TMEM182: variants seen among roughly 807,000 people sequenced by gnomAD.
TMEM182 encodes transmembrane protein 182.
A neutral mutation model predicts 26.8 loss-of-function variants in TMEM182; 20 were observed. The observed-to-expected ratio is 0.75, with a 90% CI of 0.53 to 1.09. The LOEUF is 1.09. Ranked by LOEUF, TMEM182 falls within the 50% of genes least tolerant of loss-of-function variation. TMEM182 has a pLI of 0.00. For missense variants in TMEM182, 277 were observed against 275.5 expected, an observed-to-expected ratio of 1.01 and a Z score of -0.04; for synonymous variants, 109 against 102.2, an observed-to-expected ratio of 1.07 and a Z score of -0.40.
In TMEM182 at chr2:102,817,591, A is replaced by C; in HGVS notation, c.*2623A>C. ...AAGTAATATCAAGTGTGTTGTTAGTATTCATTTAGTCATTTTTATTACTAA... is the reference window on the plus strand; with the variant it reads ...AAGTAATATCAAGTGTGTTGTTAGTCTTCATTTAGTCATTTTTATTACTAA... On this transcript the variant is annotated 3_prime_UTR_variant, in exon 5 of 5. Coordinates refer to ENST00000412401, the MANE Select transcript of TMEM182 (RefSeq NM_144632.5). The C allele has an allele frequency of 3.0e-6, 3 of 984,956 alleles. No homozygotes were observed. Among genetic ancestry groups the C allele is most frequent in the Non-Finnish European group, 3.6e-6 (3 of 829,502 alleles). The allele number at this position is 984,956 out of a possible 1,614,324, so 61.0% of individuals were successfully genotyped here.
chr2:102,781,495 A>G (rs560964036), intron 3 of TMEM182, among the ~76,000 whole-genome samples: 26 of 152,262 alleles, frequency 1.7e-4, no homozygotes, highest in African/African-American at 6.3e-4. Flanking sequence ...GGAGGTTATA[A>G]AGCTGTGGGA....
intron 4 of TMEM182, among the ~76,000 whole-genome samples, chr2:102,807,886 T>C (rs544455410): frequency 3.3e-5 from 5 of 152,334 alleles, no homozygotes; most frequent in South Asian, 4.1e-4. Context: ...TTAGTGTTTA[T>C]ATTTAATATA....
At chr2:102,771,987 G>A (rs188819980) in intron 3 of TMEM182, among the ~76,000 whole-genome samples, 200 of 152,242 alleles carry the variant, frequency 1.3e-3, no homozygotes, top group African/African-American at 4.6e-3. Context: ...TAGACATTTA[G>A]TCCCAAAACT....
chr2:102,771,403 G>C (rs73944419), intron 3 of TMEM182, among the ~76,000 whole-genome samples: 2,012 of 152,218 alleles, frequency 0.013, 39 homozygotes, highest in African/African-American at 0.045. Flanking sequence ...TCCCAGAGTG[G>C]CTCACTGGGC....
chr2:102,830,608 C>G (rs1168542439), intron 3 of TMEM182, among the ~76,000 whole-genome samples: 1 of 151,980 alleles, frequency 6.6e-6, no homozygotes, highest in Non-Finnish European at 1.5e-5. Context: ...ATGAGATGTT[C>G]TGATACTGGC....
At chr2:102,787,245 A>AAGAC (rs1414462053) in intron 3 of TMEM182, among the ~76,000 whole-genome samples, 4 of 152,206 alleles carry the variant, frequency 2.6e-5, no homozygotes, top group Non-Finnish European at 5.9e-5. Flanking sequence ...CGGCTTAAAC[A>AAGAC]AGACATTTAT....
upstream of TMEM182, among the ~76,000 whole-genome samples, chr2:102,759,908 G>A (rs1002148904): frequency 1.2e-4 from 19 of 152,244 alleles, no homozygotes; most frequent in South Asian, 4.1e-4. Flanking sequence ...TGGCCACTCC[G>A]CTAGGACAGG....
intron 3 of TMEM182, among the ~76,000 whole-genome samples, chr2:102,771,727 A>G (rs1039660048): frequency 8.5e-5 from 13 of 152,052 alleles, no homozygotes; most frequent in Admixed American, 2.6e-4. Context: ...AGAAGCAGAA[A>G]TCTCCTCTCA....
chr2:102,816,427 A>G lies in TMEM182; in HGVS notation c.*1459A>G, dbSNP rs1682752586. Reference sequence around the variant, plus strand: ...TTCTCTGTACATCTTGTGCTTTTCCATTAAGACTTGTTCCAGTGGGAAGGA... The same window carrying G: ...TTCTCTGTACATCTTGTGCTTTTCCGTTAAGACTTGTTCCAGTGGGAAGGA... On this transcript the variant is annotated 3_prime_UTR_variant, in exon 5 of 5. Coordinates refer to ENST00000412401, the MANE Select transcript of TMEM182 (RefSeq NM_144632.5). 1 of 985,108 alleles carries G rather than the reference A, an allele frequency of 1.0e-6. No individual in the cohort carries two copies. The highest frequency in any genetic ancestry group is 1.2e-6 in the Non-Finnish European group (1 of 829,890). 61.0% of individuals were successfully genotyped at this position (985,108 alleles called of 1,614,324 possible).
At chr2:102,753,519 TCTA>T (rs1679939974) in intron 1 of TMEM182, among the ~76,000 whole-genome samples, 1 of 147,324 alleles carries the variant, frequency 6.8e-6, no homozygotes, top group Admixed American at 6.9e-5. Flanking sequence ...AAGTCGTTGT[TCTA>T]CTATATGTAT....
At chr2:102,799,554 A>T (rs766658595) in intron 4 of TMEM182, among the ~76,000 whole-genome samples, 7 of 152,224 alleles carry the variant, frequency 4.6e-5, no homozygotes, top group Non-Finnish European at 4.4e-5. Context: ...TCAACAAAGG[A>T]TGGGCAGCTG....
In TMEM182 at chr2:102,762,040, G is replaced by A. The variant is rs118026982; in HGVS notation, c.-178G>A. ...CGAGCAAAGGGAATATGAATCTGCC[G>A]GTGGGGCGTGAGCGAGAAGCCACCA... On this transcript the variant is annotated 5_prime_UTR_variant, in exon 1 of 5. Coordinates refer to ENST00000412401, the MANE Select transcript of TMEM182 (RefSeq NM_144632.5). 1,127 of 526,656 alleles carry A rather than the reference G, an allele frequency of 2.1e-3. 18 individuals are homozygous for A. In the East Asian group the frequency reaches 0.035, roughly 16 times the overall value. 32.6% of individuals were successfully genotyped at this position (526,656 alleles called of 1,614,324 possible).
chr2:102,740,152 G>A (rs1444842714), intron 1 of TMEM182, among the ~76,000 whole-genome samples: 1 of 152,190 alleles, frequency 6.6e-6, no homozygotes, highest in Non-Finnish European at 1.5e-5. Context: ...GTAACTATGT[G>A]TCATTTGATT....
At chr2:102,831,413 T>G (rs1683146051) in intron 3 of TMEM182, among the ~76,000 whole-genome samples, 1 of 152,200 alleles carries the variant, frequency 6.6e-6, no homozygotes, top group Non-Finnish European at 1.5e-5. Flanking sequence ...GTAAACAGGA[T>G]CCACCCTGCA....
At chr2:102,784,068 C>T (rs1028442694) in intron 3 of TMEM182, among the ~76,000 whole-genome samples, 2 of 152,164 alleles carry the variant, frequency 1.3e-5, no homozygotes, top group Non-Finnish European at 2.9e-5. Flanking sequence ...CTGGCAGACA[C>T]GGGCCACTAT....
intron 3 of TMEM182, among the ~76,000 whole-genome samples, chr2:102,782,262 G>C (rs1681201127): frequency 1.3e-5 from 2 of 151,884 alleles, no homozygotes; most frequent in Admixed American, 6.6e-5. Flanking sequence ...GGAGGCGGAG[G>C]TTACAGTGAG....
At position 102,741,320 on chromosome 2, in the gene TMEM182, A is replaced by G. The variant is rs185235340; in HGVS notation, c.-83+4307A>G. On this transcript the variant is annotated intron_variant, in intron 1 of 5. Coordinates refer to the TMEM182 transcript ENST00000409173. Reference sequence around the variant, plus strand: ...CTCTTAGAGAGTTAGTTTTAGGGATACCCCCACAATTTAATGGATGTTACG... The same window carrying G: ...CTCTTAGAGAGTTAGTTTTAGGGATGCCCCCACAATTTAATGGATGTTACG... Among the ~76,000 whole-genome samples the G allele has an allele frequency of 3.0e-3, 451 of 152,232 alleles. 3 individuals carry two copies. Among genetic ancestry groups the G allele is most frequent in the Middle Eastern group, 6.8e-3 (2 of 294 alleles).
intron 4 of TMEM182, among the ~76,000 whole-genome samples, chr2:102,801,134 G>T (rs1682111058): frequency 6.6e-6 from 1 of 152,138 alleles, no homozygotes; most frequent in East Asian, 1.9e-4. Context: ...GCCCCGAGAA[G>T]TTCTGAGGTG....
At chr2:102,819,411 C>G (rs1052700251), downstream of TMEM182, among the ~76,000 whole-genome samples, 6 of 152,116 alleles carry the variant, frequency 3.9e-5, no homozygotes, top group African/African-American at 1.2e-4. Flanking sequence ...TTCTCAAAAA[C>G]TTTTGTGGGT....
Sources: allele counts gnomAD v4.1 joint callset (sites outside exome capture counted in the v4.1 genomes callset), GRCh38; gene constraint gnomAD v4.1.1; transcripts MANE v1.5; gene names NCBI Gene and HGNC (gene_info 2026-07-23, HGNC 2026-07-21).